The following RB1CC1 variants were observed in gnomAD, a reference collection of about 807,000 sequenced individuals.
RB1CC1 encodes RB1 inducible coiled-coil 1, also known as RB1-inducible coiled-coil protein 1.
RB1CC1 carries 46 observed loss-of-function variants against 177.5 expected under a neutral mutation model. That is an observed-to-expected ratio of 0.26 (90% CI 0.20 to 0.33). The LOEUF (loss-of-function observed/expected upper bound fraction) is 0.33. Ranked by LOEUF, RB1CC1 falls within the 10% of genes least tolerant of loss-of-function variation. The probability of loss-of-function intolerance (pLI) is 1.00; values close to 1 mark genes in which losing one functional copy is unlikely to be tolerated. For synonymous variants in RB1CC1, 666 were observed against 613.6 expected, an observed-to-expected ratio of 1.09 and a Z score of -1.26; for missense variants, 1,703 against 1,816.3, an observed-to-expected ratio of 0.94 and a Z score of 1.13.
At position 52,658,579 on chromosome 8, in the gene RB1CC1, GAAAAAAAA is replaced by G. The variant is rs67680393; in HGVS notation, c.1793+286_1793+293del. ...GCGAGAGAGCGAGACTCCGTCTCAA[GAAAAAAAA>G]AAAAAAAAAAAAAAGTAAAAAGTCA... On this transcript the variant is annotated intron_variant, in intron 13 of 23. Transcript: ENST00000025008. 1.7e-4 allele frequency among the ~76,000 whole-genome samples: 17 copies of G among 98,798 alleles called. 1 individual carries two copies. Among genetic ancestry groups the G allele is most frequent in the Non-Finnish European group, 2.3e-4 (12 of 51,718 alleles). 64.8% of individuals were successfully genotyped at this position (98,798 alleles called of 152,430 possible).
Position 52,704,202 on chromosome 8 carries a change from C to T in RB1CC1, c.-167+9873G>A, listed in dbSNP as rs118125750. 4.5e-3 allele frequency among the ~76,000 whole-genome samples: 678 copies of T among 152,184 alleles called. 2 individuals are homozygous for T. The highest frequency in any genetic ancestry group is 0.021 in the Middle Eastern group (6 of 292). ...ATCCAATTTCTCTGAATCTCAGTTT[C>T]GTCATCTTAAAACATAAAGGGGTAC... is the stretch of plus-strand genomic sequence containing the variant. On this transcript the variant is annotated intron_variant, in intron 1 of 23. Transcript: ENST00000025008.
intron 1 of RB1CC1, among the ~76,000 whole-genome samples, chr8:52,698,596 G>C (rs1286102274): frequency 6.8e-6 from 1 of 146,202 alleles, no homozygotes; most frequent in African/African-American, 2.5e-5. Flanking sequence ...ACAGGTGTGA[G>C]CCACTGCGCC....
In RB1CC1 at chr8:52,647,436, G is replaced by A. The variant is rs190504916; in HGVS notation, c.3822-1569C>T. On this transcript the variant is annotated intron_variant, in intron 15 of 23. Transcript: ENST00000025008. ...CTTTTAAAGTTTCTCCTTTGGGGCTGAAGAAGAGGGGGATGTGCAAGTTTA... is the reference window on the plus strand; with the variant it reads ...CTTTTAAAGTTTCTCCTTTGGGGCTAAAGAAGAGGGGGATGTGCAAGTTTA... 1.9e-3 allele frequency among the ~76,000 whole-genome samples: 285 copies of A among 152,206 alleles called. 3 individuals are homozygous for A. Among genetic ancestry groups the A allele is most frequent in the Middle Eastern group, 3.4e-3 (1 of 294 alleles).
At chr8:52,676,682 A>G in intron 5 of RB1CC1, 111 bp from the exon 6 acceptor site, 1 of 956,538 alleles carries the variant, frequency 1.0e-6, no homozygotes. Context: ...AGCACATTTA[A>G]CAAAGTATTT....
chr8:52,661,636 C>T lies in RB1CC1; in HGVS notation c.1257G>A (p.Gln419=). The T allele has an allele frequency of 6.2e-7, 1 of 1,612,874 alleles. No individual in the cohort carries two copies. The highest frequency in any genetic ancestry group is 1.1e-5 in the South Asian group (1 of 90,996). The change falls in exon 9 of 24, where the codon CAG becomes CAA. Residue 419 remains glutamine (Q), a synonymous_variant. Transcript: ENST00000025008. Reference sequence around the variant, plus strand: ...TATGATTTTGCAACATAATCATCAACTGATTTGCGTGACTCAGGCATAAAT... The same window carrying T: ...TATGATTTTGCAACATAATCATCAATTGATTTGCGTGACTCAGGCATAAAT... ...LPDLCLSHAN[Q]LMIMLQNHRK...
At chr8:52,659,590 A>G (rs1204410393) in intron 12 of RB1CC1, among the ~76,000 whole-genome samples, 1 of 152,198 alleles carries the variant, frequency 6.6e-6, no homozygotes, top group African/African-American at 2.4e-5. Flanking sequence ...GCTCTTCATA[A>G]AAAAGAGTTC....
At chr8:52,630,980 C>A (rs1055743359) in intron 20 of RB1CC1, among the ~76,000 whole-genome samples, 2 of 152,128 alleles carry the variant, frequency 1.3e-5, no homozygotes, top group African/African-American at 4.8e-5. Context: ...AAGAGAACAC[C>A]AAACAAAGGA....
rs1211837610 is a variant in RB1CC1, at chr8:52,656,676, A to G, written c.3153T>C (p.Ser1051=). Residue 1051 remains serine (S), a synonymous_variant, in exon 15 of 24, where the codon TCT becomes TCC. Coordinates refer to ENST00000025008, the MANE Select transcript of RB1CC1 (RefSeq NM_014781.5). Reference sequence around the variant, plus strand: ...ACTTGCATCTCGTGTCTGACAAATCAGAAACCTTGAGTTTTAATTCCTGTA... The same window carrying G: ...ACTTGCATCTCGTGTCTGACAAATCGGAAACCTTGAGTTTTAATTCCTGTA... ...KQLQELKLKV[S]DLSDTRCKLE... is the part of the protein sequence containing the mutation. The G allele has an allele frequency of 6.2e-7, 1 of 1,613,922 alleles. No homozygotes were observed. Among genetic ancestry groups the G allele is most frequent in the East Asian group, 2.2e-5 (1 of 44,854 alleles).
At chr8:52,629,592 G>T (rs1029977269) in intron 21 of RB1CC1, among the ~76,000 whole-genome samples, 2 of 152,118 alleles carry the variant, frequency 1.3e-5, no homozygotes, top group Non-Finnish European at 2.9e-5. Flanking sequence ...TTCCCTCTTA[G>T]AATTCAGGAA....
At position 52,658,916 on chromosome 8, in the gene RB1CC1, A is replaced by T. The variant is rs776022372; in HGVS notation, c.1750T>A (p.Phe584Ile). The change falls in exon 13 of 24, where the codon TTT (phenylalanine) becomes ATT (isoleucine). Residue 584 changes from phenylalanine to isoleucine, a missense_variant. Phe to Ile is a conservative substitution (Grantham distance 21, BLOSUM62 0). Coordinates refer to ENST00000025008, the MANE Select transcript of RB1CC1 (RefSeq NM_014781.5). ...LPDISLKDLQ[F>I]LQSFCPSEVQ... is the part of the protein sequence containing the mutation. ...TCCGAAGGACAAAATGATTGCAGAA[A>T]CTGTAAATCTTTTAATGAAATATCT... 8.8e-6 allele frequency: 14 copies of T among 1,589,354 alleles called. No individual in the cohort carries two copies. Among genetic ancestry groups the T allele is most frequent in the South Asian group, 7.0e-5 (6 of 85,772 alleles).
chr8:52,660,457 T>C (rs1331777965), intron 12 of RB1CC1, 139 bp downstream of exon 12: 6 of 803,642 alleles, frequency 7.5e-6, no homozygotes, highest in Non-Finnish European at 1.2e-5. Flanking sequence ...CTAACTGGCT[T>C]TTAAAGCCAA....
intron 18 of RB1CC1, among the ~76,000 whole-genome samples, chr8:52,636,464 T>C (rs961715850): frequency 2.0e-5 from 3 of 152,298 alleles, no homozygotes; most frequent in Non-Finnish European, 4.4e-5. Flanking sequence ...ATGCCAGGTG[T>C]GAATTTGCCC....
chr8:52,671,038 A>G (rs1051354209), intron 7 of RB1CC1, among the ~76,000 whole-genome samples: 1 of 152,180 alleles, frequency 6.6e-6, no homozygotes, highest in African/African-American at 2.4e-5. Context: ...ACAATTCTAA[A>G]TTTTTTCTGA....
At chr8:52,639,070 T>C (rs992590876) in intron 18 of RB1CC1, among the ~76,000 whole-genome samples, 2 of 152,170 alleles carry the variant, frequency 1.3e-5, no homozygotes, top group African/African-American at 4.8e-5. Flanking sequence ...TTTTTCAATA[T>C]GAATTCTAGC....
chr8:52,658,606 A>G, intron 13 of RB1CC1, among the ~76,000 whole-genome samples: 1 of 151,586 alleles, frequency 6.6e-6, no homozygotes. Flanking sequence ...AAAAAAGTAA[A>G]AAGTCAGAAA....
Position 52,686,853 on chromosome 8 carries a change from C to T in RB1CC1, c.-52G>A, listed in dbSNP as rs1195769453. 5 of 449,608 alleles carry T rather than the reference C, an allele frequency of 1.1e-5. No individual in the cohort carries two copies. The highest frequency in any genetic ancestry group is 2.4e-5 in the Admixed American group (1 of 40,912). The allele number at this position is 449,608 out of a possible 1,614,324, so 27.9% of individuals were successfully genotyped here. The stretch of plus-strand genomic sequence containing the variant: ...TATACAGGTAGAAACTGTGACTTAC[C>T]GTCAGGCACTGTGAAAAGGACTACC... On this transcript the variant is annotated splice_region_variant and 5_prime_UTR_variant, in exon 2 of 24. Transcript: ENST00000025008.
chr8:52,673,700 A>G (rs1482860677), intron 7 of RB1CC1, 145 bp downstream of exon 7: 7 of 734,390 alleles, frequency 9.5e-6, no homozygotes. Flanking sequence ...AATTAAATTG[A>G]TTCAACCTAT....
intron 5 of RB1CC1, among the ~76,000 whole-genome samples, chr8:52,680,986 G>T (rs551458134): frequency 1.6e-5 from 2 of 124,106 alleles, no homozygotes; most frequent in African/African-American, 7.6e-5. Flanking sequence ...GTGTGTGTGT[G>T]TGTGTGTGTT....
intron 5 of RB1CC1, among the ~76,000 whole-genome samples, chr8:52,677,494 T>C (rs186036390): frequency 3.3e-5 from 5 of 152,210 alleles, no homozygotes; most frequent in Admixed American, 6.5e-5. Context: ...TGGACTTTAC[T>C]CAGAAAAGAC....
Sources: gnomAD v4.1 joint callset for allele counts (sites outside exome capture counted in the v4.1 genomes callset) on GRCh38, gnomAD v4.1.1 for gene constraint, MANE v1.5 for transcripts, NCBI Gene and HGNC (gene_info 2026-07-23, HGNC 2026-07-21) for gene names.